LYPLAL1: variants seen among roughly 807,000 people sequenced by gnomAD.
The protein encoded by LYPLAL1 is lysophospholipase-like protein 1.
Under a neutral mutation model 19.7 loss-of-function variants are expected in LYPLAL1, and 23 were observed. The observed-to-expected ratio is 1.17, with a 90% CI of 0.84 to 1.65. The LOEUF is 1.65. Ranked by LOEUF, LYPLAL1 falls within the 40% of genes most tolerant of loss-of-function variation. The pLI is 0.00. For synonymous variants in LYPLAL1, 119 were observed against 96.3 expected (o/e 1.24, Z -1.38); for missense variants, 355 against 279.4 (o/e 1.27, Z -1.93).
intron 3 of LYPLAL1, among the ~76,000 whole-genome samples, chr1:219,197,791 A>T (rs1031931983): frequency 6.6e-6 from 1 of 152,126 alleles, no homozygotes; most frequent in African/African-American, 2.4e-5. Context: ...GAAAAAGAAA[A>T]CCCCATTAAA....
At chr1:219,292,092 G>A in the LYPLAL1 span, among the ~76,000 whole-genome samples, 276 of 152,228 alleles carry the variant, frequency 1.8e-3, 1 homozygote, top group Admixed American at 5.3e-3. Flanking sequence ...CTCCTCACCC[G>A]TCTTTTGCTC....
the LYPLAL1 span, among the ~76,000 whole-genome samples, chr1:219,218,329 G>A: frequency 1.3e-5 from 2 of 151,928 alleles, no homozygotes; most frequent in African/African-American, 2.4e-5. Flanking sequence ...CATATGACAA[G>A]AGCACAGAAT....
the LYPLAL1 span, among the ~76,000 whole-genome samples, chr1:219,276,100 C>A: frequency 3.3e-5 from 5 of 152,300 alleles, no homozygotes; most frequent in East Asian, 9.6e-4. Context: ...TCCCAGCCAG[C>A]CTTTGAAGCG....
At chr1:219,343,108 T>C in the LYPLAL1 span, among the ~76,000 whole-genome samples, 1 of 152,196 alleles carries the variant, frequency 6.6e-6, no homozygotes, top group Non-Finnish European at 1.5e-5. Context: ...GCATCTGTAA[T>C]ATGGATGTGA....
In LYPLAL1 at chr1:219,194,652, A is replaced by G. The variant is rs894263765; in HGVS notation, c.361+1401A>G. Among the ~76,000 whole-genome samples, 8 of 151,990 alleles carry G rather than the reference A, an allele frequency of 5.3e-5. No homozygotes were observed. The South Asian group carries it at 1.7e-3, about 31-fold the overall frequency. ...TTTTTATTTCCCAGAACCTATCACA[A>G]TGCCTGGCACAGAGCAAATACTCAG... On this transcript the variant is annotated intron_variant, in intron 3 of 4. Coordinates refer to ENST00000366928, the MANE Select transcript of LYPLAL1 (RefSeq NM_138794.5).
chr1:219,439,978 T>TATATATATATACAC, the LYPLAL1 span, among the ~76,000 whole-genome samples: 1,078 of 66,046 alleles, frequency 0.016, 25 homozygotes, highest in African/African-American at 0.057. Flanking sequence ...TATATACATA[T>TATATATATATACAC]ATATATATAT....
At chr1:219,226,650 C>A in the LYPLAL1 span, among the ~76,000 whole-genome samples, 1 of 151,858 alleles carries the variant, frequency 6.6e-6, no homozygotes, top group East Asian at 1.9e-4. Flanking sequence ...TTGTTGCTGA[C>A]CAACAACTCT....
intron 3 of LYPLAL1, among the ~76,000 whole-genome samples, chr1:219,208,920 A>C (rs1658782675): frequency 6.6e-6 from 1 of 152,150 alleles, no homozygotes; most frequent in Admixed American, 6.5e-5. Context: ...TAAGCTGTTC[A>C]TATCTAAATG....
At chr1:219,377,594 C>T in the LYPLAL1 span, among the ~76,000 whole-genome samples, 1 of 152,116 alleles carries the variant, frequency 6.6e-6, no homozygotes, top group Admixed American at 6.5e-5. Flanking sequence ...AAGGACTCAC[C>T]TGTAGAAATA....
the LYPLAL1 span, among the ~76,000 whole-genome samples, chr1:219,344,966 C>T: frequency 9.9e-5 from 15 of 152,280 alleles, no homozygotes; most frequent in East Asian, 5.8e-4. Context: ...AAATCCTCCC[C>T]ATATTTATCC....
chr1:219,438,173 T>C, the LYPLAL1 span, among the ~76,000 whole-genome samples: 2 of 152,196 alleles, frequency 1.3e-5, no homozygotes, highest in African/African-American at 4.8e-5. Flanking sequence ...TCAAATACAA[T>C]GACAAAAACT....
the LYPLAL1 span, among the ~76,000 whole-genome samples, chr1:219,254,680 A>G: frequency 1.3e-5 from 2 of 152,022 alleles, no homozygotes; most frequent in African/African-American, 4.8e-5. Flanking sequence ...TTTGTAAGTA[A>G]CCTGCCCTTT....
At chr1:219,298,823 A>C in the LYPLAL1 span, among the ~76,000 whole-genome samples, 1 of 152,180 alleles carries the variant, frequency 6.6e-6, no homozygotes, top group Admixed American at 6.5e-5. Flanking sequence ...TCTTTTTTGA[A>C]ATGCAGGTCT....
chr1:219,386,913 C>T, the LYPLAL1 span, among the ~76,000 whole-genome samples: 3 of 152,160 alleles, frequency 2.0e-5, no homozygotes, highest in African/African-American at 7.2e-5. Context: ...CTAGCCTAAC[C>T]CAAGCCATAC....
chr1:219,417,285 C>T, the LYPLAL1 span, among the ~76,000 whole-genome samples: 1 of 152,104 alleles, frequency 6.6e-6, no homozygotes, highest in African/African-American at 2.4e-5. Context: ...ACCACCTTGA[C>T]TACTAATATC....
chr1:219,225,164 A>T, the LYPLAL1 span: 1 of 152,264 alleles, frequency 6.6e-6, no homozygotes, highest in African/African-American at 2.4e-5. Context: ...TCCTAGTTCC[A>T]GATTCATGTT....
the LYPLAL1 span, among the ~76,000 whole-genome samples, chr1:219,356,608 G>C: frequency 6.6e-6 from 1 of 152,150 alleles, no homozygotes; most frequent in Non-Finnish European, 1.5e-5. Flanking sequence ...CATTCAGTCT[G>C]TTGCTCTACA....
intron 1 of LYPLAL1, among the ~76,000 whole-genome samples, chr1:219,175,523 A>G (rs1411508790): frequency 2.6e-5 from 4 of 152,178 alleles, no homozygotes; most frequent in Admixed American, 2.6e-4. Flanking sequence ...CTCTTTGCTT[A>G]AAATAATTAT....
chr1:219,266,503 G>T, the LYPLAL1 span, among the ~76,000 whole-genome samples: 6 of 151,810 alleles, frequency 4.0e-5, no homozygotes. Flanking sequence ...TTTTTTCACA[G>T]TTAACTTTTT....
Sources: gnomAD v4.1 joint callset for allele counts (sites outside exome capture counted in the v4.1 genomes callset) on GRCh38, gnomAD v4.1.1 for gene constraint, MANE v1.5 for transcripts, NCBI Gene and HGNC (gene_info 2026-07-23, HGNC 2026-07-21) for gene names.